The following METRNL variants were observed in gnomAD, a reference collection of about 807,000 sequenced individuals.
The protein encoded by METRNL is meteorin like, glial cell differentiation regulator, also known as meteorin-like protein.
Under a neutral mutation model 17.4 loss-of-function variants are expected in METRNL, and 9 were observed. That is an observed-to-expected ratio of 0.52 (90% CI 0.31 to 0.90). METRNL has a LOEUF of 0.90. Ranked by LOEUF, METRNL falls within the 40% of genes least tolerant of loss-of-function variation. The pLI, the probability that METRNL is intolerant of heterozygous loss-of-function variation, is 0.05. For synonymous variants in METRNL, 215 were observed against 199.3 expected, an observed-to-expected ratio of 1.08 and a Z score of -0.66; for missense variants, 408 against 430.7, an observed-to-expected ratio of 0.95 and a Z score of 0.47.
intron 3 of METRNL, 31 bp from the exon 4 acceptor site, chr17:83,094,225 A>G: frequency 6.6e-7 from 1 of 1,517,124 alleles, no homozygotes; most frequent in Non-Finnish European, 8.9e-7. Flanking sequence ...GCCTTTGCTC[A>G]CTCCCTGTCC....
chr17:83,080,167 C>T (rs1365829067), intron 1 of METRNL, 182 bp downstream of exon 1: 1 of 195,874 alleles, frequency 5.1e-6, no homozygotes, highest in Non-Finnish European at 9.3e-6. Flanking sequence ...ACAAAAGAGC[C>T]CGCGGCGTCC....
intron 1 of METRNL, chr17:83,084,651 C>T: frequency 2.0e-6 from 1 of 499,736 alleles, no homozygotes; most frequent in Non-Finnish European, 3.5e-6. Context: ...GTCTGGAGGG[C>T]CTGGGGACAA....
intron 1 of METRNL, chr17:83,084,433 G>C (rs2038024980): frequency 6.4e-6 from 1 of 155,366 alleles, no homozygotes; most frequent in African/African-American, 2.4e-5. Flanking sequence ...TAGCGTCCCA[G>C]CCCTCGTGGT....
At chr17:83,093,084 G>A (rs1463395526) in intron 2 of METRNL, 83 bp from the exon 3 acceptor site, 3 of 1,182,530 alleles carry the variant, frequency 2.5e-6, no homozygotes, top group Non-Finnish European at 3.7e-6. Flanking sequence ...TTTGCTGAGT[G>A]TGAGGATCCT....
rs529432030 is a variant in METRNL, at chr17:83,091,218, G to A, written c.557-1949G>A. Among the ~76,000 whole-genome samples, 283 of 151,440 alleles carry A rather than the reference G, an allele frequency of 1.9e-3. 2 individuals carry two copies. The highest frequency in any genetic ancestry group is 6.1e-3 in the African/African-American group (252 of 41,264). Reference sequence around the variant, plus strand: ...TGCCAGGCTGGACCGGCCTCGAGGCGCCCCCAGTGCCAGGCTGGACCGGGC... The same window carrying A: ...TGCCAGGCTGGACCGGCCTCGAGGCACCCCCAGTGCCAGGCTGGACCGGGC... On this transcript the variant is annotated intron_variant, in intron 2 of 3. Coordinates refer to ENST00000320095, the MANE Select transcript of METRNL (RefSeq NM_001004431.3).
intron 1 of METRNL, among the ~76,000 whole-genome samples, chr17:83,082,537 A>T (rs1003104870): frequency 6.6e-6 from 1 of 152,242 alleles, no homozygotes; most frequent in Admixed American, 6.5e-5. Context: ...CTAAAGTTGA[A>T]CGAACCACGG....
At chr17:83,094,139 G>T in intron 3 of METRNL, 117 bp from the exon 4 acceptor site, 1 of 830,874 alleles carries the variant, frequency 1.2e-6, no homozygotes, top group Non-Finnish European at 1.8e-6. Flanking sequence ...AGATGGCAGA[G>T]TCGGGGGTCA....
chr17:83,086,807 T>C (rs371143889), intron 2 of METRNL, among the ~76,000 whole-genome samples: 1 of 152,144 alleles, frequency 6.6e-6, no homozygotes, highest in East Asian at 1.9e-4. Flanking sequence ...ACAGGCCCGA[T>C]TTCTACATTT....
intron 1 of METRNL, among the ~76,000 whole-genome samples, chr17:83,083,694 C>T (rs1394130599): frequency 2.0e-5 from 3 of 152,184 alleles, no homozygotes; most frequent in African/African-American, 7.2e-5. Flanking sequence ...TGGCCTGCAG[C>T]CTATGAAGAG....
chr17:83,085,472 C>T, intron 2 of METRNL, 149 bp downstream of exon 2: 1 of 1,119,670 alleles, frequency 8.9e-7, no homozygotes, highest in Non-Finnish European at 1.2e-6. Flanking sequence ...GACTGTTTTG[C>T]CTGAAGAGCC....
chr17:83,089,523 C>A (rs2038091959), intron 2 of METRNL, among the ~76,000 whole-genome samples: 1 of 152,062 alleles, frequency 6.6e-6, no homozygotes, highest in Non-Finnish European at 1.5e-5. Context: ...CGTCCCCAAC[C>A]CCACCCTGCC....
In METRNL at chr17:83,089,897, C is replaced by T. The variant is rs183423464; in HGVS notation, c.557-3270C>T. On this transcript the variant is annotated intron_variant, in intron 2 of 3. Coordinates refer to ENST00000320095, the MANE Select transcript of METRNL (RefSeq NM_001004431.3). Reference sequence around the variant, plus strand: ...CAGAGGCTTCTAGCAGGCGAGGCTGCAGGCACTGACCGTCCCCGGCCCCAC... The same window carrying T: ...CAGAGGCTTCTAGCAGGCGAGGCTGTAGGCACTGACCGTCCCCGGCCCCAC... Among the ~76,000 whole-genome samples, 678 of 152,202 alleles carry T rather than the reference C, an allele frequency of 4.5e-3. 9 individuals carry two copies. The highest frequency in any genetic ancestry group is 0.016 in the African/African-American group (645 of 41,506).
chr17:83,094,123 C>T, intron 3 of METRNL, 133 bp from the exon 4 acceptor site: 1 of 689,890 alleles, frequency 1.4e-6, no homozygotes, highest in South Asian at 2.3e-5. Context: ...TGGGAATTTC[C>T]ACGCTAGATG....
At chr17:83,080,366 C>T (rs2037968728) in intron 1 of METRNL, 1 of 150,872 alleles carries the variant, frequency 6.6e-6, no homozygotes, top group East Asian at 2.0e-4. Context: ...CCGCCCCGGG[C>T]CAGAGCGGGA....
intron 2 of METRNL, among the ~76,000 whole-genome samples, chr17:83,092,820 C>G (rs983970763): frequency 1.3e-5 from 2 of 152,036 alleles, no homozygotes; most frequent in African/African-American, 4.8e-5. Flanking sequence ...AGCACAAAGA[C>G]CCCTCCCCAC....
At chr17:83,092,266 C>T (rs2038147380) in intron 2 of METRNL, 1 of 152,320 alleles carries the variant, frequency 6.6e-6, no homozygotes, top group Non-Finnish European at 1.5e-5. Context: ...GAACTCACTG[C>T]CCTGCTGGGT....
Position 83,084,947 on chromosome 17 carries a change from G to GCAC in METRNL, c.181_183dup (p.His61dup). On this transcript the variant is annotated inframe_insertion, in exon 2 of 4. Coordinates refer to ENST00000320095, the MANE Select transcript of METRNL (RefSeq NM_001004431.3). ...TGTCTCTCCTCTGCAGCGGGCTGACGCACGAGGCACACAGGAAGGAGGTGG... is the reference window on the plus strand; with the variant it reads ...TGTCTCTCCTCTGCAGCGGGCTGACGCACCACGAGGCACACAGGAAGGAGGTGG... The GCAC allele has an allele frequency of 6.2e-7, 1 of 1,610,754 alleles. No individual in the cohort carries two copies. The highest frequency in any genetic ancestry group is 8.5e-7 in the Non-Finnish European group (1 of 1,178,128).
chr17:83,079,805 G>A lies in METRNL; in HGVS notation c.-11G>A. On this transcript the variant is annotated 5_prime_UTR_variant, in exon 1 of 4. Transcript: ENST00000320095. The stretch of plus-strand genomic sequence containing the variant: ...GGACGCGGGGCCGGGCGGCGGAGCC[G>A]GCGCCAGAGCATGCGGGGCGCGGCG... 22 of 975,526 alleles carry A rather than the reference G, an allele frequency of 2.3e-5. No individual in the cohort carries two copies. The highest frequency in any genetic ancestry group is 2.7e-5 in the Non-Finnish European group (22 of 824,988). The allele number at this position is 975,526 out of a possible 1,614,324, so 60.4% of individuals were successfully genotyped here.
In METRNL at chr17:83,079,998, G is replaced by A; in HGVS notation, c.170+13G>A. 9.9e-7 allele frequency: 1 copy of A among 1,014,186 alleles called. No homozygotes were observed. The highest frequency in any genetic ancestry group is 9.6e-5 in the East Asian group (1 of 10,448). 62.8% of individuals were successfully genotyped at this position (1,014,186 alleles called of 1,614,324 possible). On this transcript the variant is annotated intron_variant, in intron 1 of 3. Coordinates refer to ENST00000320095, the MANE Select transcript of METRNL (RefSeq NM_001004431.3). ...GCTGGAAGGGGAGGTGAGTGTGCGC[G>A]GCGCGACCCCGGCCCGGCCCCCTCC...
Sources: allele counts gnomAD v4.1 joint callset (sites outside exome capture counted in the v4.1 genomes callset), GRCh38; gene constraint gnomAD v4.1.1; transcripts MANE v1.5; gene names NCBI Gene and HGNC (gene_info 2026-07-23, HGNC 2026-07-21).